C12orf54: variants seen among roughly 807,000 people sequenced by gnomAD.
The protein encoded by C12orf54 is chromosome 12 open reading frame 54, also known as uncharacterized protein C12orf54.
In C12orf54, 24 loss-of-function variants were observed where a neutral mutation model predicts 26.4. The ratio of observed to expected loss-of-function variants is 0.91; its 90% CI spans 0.66 to 1.28. C12orf54 has a LOEUF of 1.28. Among genes scored for constraint, C12orf54 ranks in the 50% most tolerant of loss-of-function variants. The pLI is 0.00. For missense variants in C12orf54, 154 were observed against 150.9 expected (o/e 1.02, Z -0.11); for synonymous variants, 54 against 47.0 (o/e 1.15, Z -0.61).
the C12orf54 span, among the ~76,000 whole-genome samples, chr12:48,422,252 C>T: frequency 2.6e-5 from 4 of 152,140 alleles, no homozygotes; most frequent in Admixed American, 2.6e-4. Flanking sequence ...CAGGGAGCTG[C>T]TATTGCTACT....
intron 6 of C12orf54, among the ~76,000 whole-genome samples, chr12:48,492,606 T>C (rs900712690): frequency 9.9e-5 from 15 of 152,166 alleles, no homozygotes; most frequent in African/African-American, 3.6e-4. Context: ...CAAGTCTTAT[T>C]GTACCCATTT....
At chr12:48,476,075 G>C in the C12orf54 span, among the ~76,000 whole-genome samples, 1 of 152,140 alleles carries the variant, frequency 6.6e-6, no homozygotes, top group Admixed American at 6.5e-5. Context: ...AGCCAGAAGA[G>C]AGTGGGGGCC....
chr12:48,492,917 C>A (rs756338791), intron 6 of C12orf54, 30 bp from the exon 7 acceptor site: 9 of 1,606,756 alleles, frequency 5.6e-6, no homozygotes, highest in Non-Finnish European at 6.8e-6. Context: ...GCCCCTGTAA[C>A]AGAATGACTC....
At chr12:48,458,889 G>C in the C12orf54 span, among the ~76,000 whole-genome samples, 1 of 152,032 alleles carries the variant, frequency 6.6e-6, no homozygotes, top group Non-Finnish European at 1.5e-5. Context: ...GAGATTTTAA[G>C]CATTTTAATA....
At chr12:48,418,611 G>A in the C12orf54 span, among the ~76,000 whole-genome samples, 3 of 152,158 alleles carry the variant, frequency 2.0e-5, no homozygotes, top group African/African-American at 7.2e-5. Context: ...AGGAATGGTT[G>A]GCTTGGGAAC....
At chr12:48,481,708 C>T (rs1296834017), upstream of C12orf54, among the ~76,000 whole-genome samples, 1 of 152,176 alleles carries the variant, frequency 6.6e-6, no homozygotes, top group Non-Finnish European at 1.5e-5. Flanking sequence ...CTCTGCATTT[C>T]TGCATGAGGA....
intron 3 of C12orf54, 125 bp from the exon 4 acceptor site, chr12:48,486,563 G>A: frequency 3.1e-6 from 3 of 962,596 alleles, no homozygotes; most frequent in Non-Finnish European, 4.8e-6. Context: ...TGAGAAATGG[G>A]GTGATTTTGG....
At chr12:48,473,480 C>G in the C12orf54 span, 1 of 452,522 alleles carries the variant, frequency 2.2e-6, no homozygotes, top group Non-Finnish European at 4.1e-6. Flanking sequence ...TCCCCTCCCC[C>G]ACTCCAATCC....
intron 7 of C12orf54, among the ~76,000 whole-genome samples, chr12:48,493,434 G>A (rs1049219018): frequency 1.1e-4 from 16 of 151,956 alleles, no homozygotes; most frequent in South Asian, 2.1e-4. Flanking sequence ...CCAGGAGTTC[G>A]ACACAGTGAG....
At chr12:48,467,277 C>G in the C12orf54 span, among the ~76,000 whole-genome samples, 1 of 152,132 alleles carries the variant, frequency 6.6e-6, no homozygotes, top group East Asian at 1.9e-4. Context: ...AGCTTGGAAC[C>G]CATTCTCCCT....
At chr12:48,486,287 C>G in intron 3 of C12orf54, 79 bp downstream of exon 3, 16 of 1,415,494 alleles carry the variant, frequency 1.1e-5, no homozygotes, top group Non-Finnish European at 1.6e-5. Context: ...AGGTTGTAGA[C>G]AGGAGGCCAA....
chr12:48,468,590 A>G, the C12orf54 span, among the ~76,000 whole-genome samples: 9 of 70,878 alleles, frequency 1.3e-4, no homozygotes, highest in African/African-American at 2.7e-4. Context: ...AACACTAACT[A>G]CAACAACAAT....
chr12:48,492,876 G>A, intron 6 of C12orf54, 71 bp from the exon 7 acceptor site: 1 of 1,365,284 alleles, frequency 7.3e-7, no homozygotes, highest in South Asian at 1.2e-5. Flanking sequence ...AATCAAGGAT[G>A]TGAGCTGGGC....
the C12orf54 span, among the ~76,000 whole-genome samples, chr12:48,451,143 G>A: frequency 1.6e-3 from 251 of 152,188 alleles, no homozygotes; most frequent in African/African-American, 5.9e-3. Flanking sequence ...CCATAATCAC[G>A]TTGGCTTCAT....
chr12:48,492,746 C>T (rs1036232479), intron 6 of C12orf54: 13 of 581,332 alleles, frequency 2.2e-5, no homozygotes, highest in Non-Finnish European at 4.1e-5. Flanking sequence ...GGCCATGATC[C>T]GCTCTGCTTC....
chr12:48,486,041 G>T, intron 2 of C12orf54, 137 bp from the exon 3 acceptor site: 1 of 750,612 alleles, frequency 1.3e-6, no homozygotes. Context: ...TGAGAGGCAG[G>T]ACCGTGGCTA....
the C12orf54 span, among the ~76,000 whole-genome samples, chr12:48,477,430 A>C: frequency 1.3e-5 from 2 of 152,296 alleles, no homozygotes; most frequent in East Asian, 1.9e-4. Context: ...GACACAAAAA[A>C]CCCTTCAAAA....
At chr12:48,465,178 G>T in the C12orf54 span, among the ~76,000 whole-genome samples, 83 of 152,048 alleles carry the variant, frequency 5.5e-4, 2 homozygotes, top group Non-Finnish European at 1.6e-4. Context: ...TCTGACAAAC[G>T]TCTAATGCAG....
chr12:48,483,544 A>G (rs1265148347), intron 2 of C12orf54, 183 bp downstream of exon 2: 3 of 555,368 alleles, frequency 5.4e-6, no homozygotes, highest in Non-Finnish European at 6.3e-6. Context: ...ATAATAGCAA[A>G]TCTTTGTCAT....
Sources: allele counts gnomAD v4.1 joint callset (sites outside exome capture counted in the v4.1 genomes callset), GRCh38; gene constraint gnomAD v4.1.1; transcripts MANE v1.5; gene names NCBI Gene and HGNC (gene_info 2026-07-23, HGNC 2026-07-21).